Variants in PTPRT observed in about 807,000 individuals in gnomAD.
PTPRT encodes the protein protein tyrosine phosphatase receptor type T.
Under a neutral mutation model 176.8 loss-of-function variants are expected in PTPRT, and 56 were observed. That is an observed-to-expected ratio of 0.32 (90% CI 0.26 to 0.40). The LOEUF (loss-of-function observed/expected upper bound fraction) is 0.40, where lower values mean the gene tolerates loss of function less well. PTPRT is among the 10% of genes least tolerant of loss of function. The pLI, the probability that PTPRT is intolerant of heterozygous loss-of-function variation, is 1.00. For synonymous variants in PTPRT, 783 were observed against 739.0 expected (o/e 1.06, Z -0.96); for missense variants, 1,540 against 1,908.2 (o/e 0.81, Z 3.60).
intron 1 of PTPRT, among the ~76,000 whole-genome samples, chr20:43,035,866 A>G (rs1438704126): frequency 6.6e-6 from 1 of 152,234 alleles, no homozygotes; most frequent in Non-Finnish European, 1.5e-5. Context: ...TTCAAAATGT[A>G]CATGGCATCA....
intron 6 of PTPRT, among the ~76,000 whole-genome samples, chr20:42,723,028 A>G (rs1354298956): frequency 1.3e-5 from 2 of 152,206 alleles, no homozygotes; most frequent in Non-Finnish European, 2.9e-5. Flanking sequence ...ACAAGTCACA[A>G]CTTCAGTTGT....
chr20:42,045,510 C>A, the PTPRT span, among the ~76,000 whole-genome samples: 2 of 151,302 alleles, frequency 1.3e-5, no homozygotes, highest in Admixed American at 6.6e-5. Context: ...TTTTTATATT[C>A]ACCAAGCGAG....
At chr20:42,801,568 A>G (rs1186090909) in intron 2 of PTPRT, among the ~76,000 whole-genome samples, 1 of 152,242 alleles carries the variant, frequency 6.6e-6, no homozygotes, top group Non-Finnish European at 1.5e-5. Context: ...CACTAGGGGA[A>G]CAGCAGTCAG....
chr20:43,089,836 G>A (rs1313091690), intron 1 of PTPRT, among the ~76,000 whole-genome samples: 2 of 152,174 alleles, frequency 1.3e-5, no homozygotes, highest in African/African-American at 4.8e-5. Context: ...TTCCCAGGCT[G>A]AAACAGGAAA....
intron 1 of PTPRT, among the ~76,000 whole-genome samples, chr20:42,904,582 G>A (rs543496996): frequency 6.6e-6 from 1 of 152,114 alleles, no homozygotes; most frequent in Non-Finnish European, 1.5e-5. Context: ...ATACGGGAAG[G>A]GGGCAGGGAA....
chr20:42,258,291 T>C (rs2056685352), intron 13 of PTPRT, among the ~76,000 whole-genome samples: 2 of 152,202 alleles, frequency 1.3e-5, no homozygotes, highest in African/African-American at 2.4e-5. Flanking sequence ...AAGGGATTGA[T>C]GAACATGTCA....
At chr20:42,427,252 T>TA (rs1457038436) in intron 9 of PTPRT, among the ~76,000 whole-genome samples, 1 of 152,194 alleles carries the variant, frequency 6.6e-6, no homozygotes, top group Admixed American at 6.5e-5. Context: ...GGTTAAGAAG[T>TA]ACCATGGGAG....
chr20:42,604,707 T>A (rs2073842234), intron 7 of PTPRT, among the ~76,000 whole-genome samples: 2 of 152,178 alleles, frequency 1.3e-5, no homozygotes, highest in Non-Finnish European at 2.9e-5. Flanking sequence ...TCAATAAGCC[T>A]TCCTAAGGGT....
intron 2 of PTPRT, among the ~76,000 whole-genome samples, chr20:42,882,198 TAAG>T (rs2079021695): frequency 6.6e-6 from 1 of 152,194 alleles, no homozygotes; most frequent in African/African-American, 2.4e-5. Context: ...CCTATGCCCA[TAAG>T]AAGAACAAAC....
intron 6 of PTPRT, among the ~76,000 whole-genome samples, chr20:42,691,751 C>G (rs2075797567): frequency 6.6e-6 from 1 of 152,116 alleles, no homozygotes; most frequent in Admixed American, 6.5e-5. Context: ...CTGCAAGGTC[C>G]CATAGACCTC....
chr20:42,270,096 A>G (rs1167673461), intron 13 of PTPRT, among the ~76,000 whole-genome samples: 1 of 152,126 alleles, frequency 6.6e-6, no homozygotes, highest in Non-Finnish European at 1.5e-5. Flanking sequence ...GCACTGGAAC[A>G]TATCTTCTTT....
chr20:42,758,388 A>T (rs1248399601), intron 5 of PTPRT, among the ~76,000 whole-genome samples: 2 of 152,082 alleles, frequency 1.3e-5, no homozygotes, highest in Admixed American at 6.5e-5. Context: ...TATGGCAGCA[A>T]ATGAGGGGAG....
At chr20:42,529,177 T>C (rs550139596) in intron 7 of PTPRT, among the ~76,000 whole-genome samples, 19 of 152,332 alleles carry the variant, frequency 1.2e-4, no homozygotes, top group African/African-American at 3.8e-4. Flanking sequence ...GCATGGTGCA[T>C]AGGACTTCGA....
chr20:42,059,825 T>G, the PTPRT span, among the ~76,000 whole-genome samples: 159 of 152,254 alleles, frequency 1.0e-3, no homozygotes, highest in Non-Finnish European at 1.9e-3. Context: ...CCCTGGTTCT[T>G]ACTCATGTTT....
chr20:42,171,808 T>A (rs1990090588), intron 16 of PTPRT, among the ~76,000 whole-genome samples: 1 of 152,124 alleles, frequency 6.6e-6, no homozygotes, highest in Admixed American at 6.6e-5. Flanking sequence ...CACTGAAAAC[T>A]ACACTGTCCT....
intron 7 of PTPRT, among the ~76,000 whole-genome samples, chr20:42,519,091 C>A (rs2072122333): frequency 6.6e-6 from 1 of 152,134 alleles, no homozygotes. Context: ...CACCAGAAGG[C>A]TCCCTCATGC....
chr20:42,847,718 G>T (rs2078399155), intron 2 of PTPRT, among the ~76,000 whole-genome samples: 1 of 152,216 alleles, frequency 6.6e-6, no homozygotes, highest in Non-Finnish European at 1.5e-5. Flanking sequence ...CCACCCACAG[G>T]TGACACTCCC....
Position 43,155,600 on chromosome 20 carries a change from A to G in PTPRT, c.88+34046T>C, listed in dbSNP as rs143401085. On this transcript the variant is annotated intron_variant, in intron 1 of 30. Transcript: ENST00000373187. ...CAGTTAGGAGAGAAATAACTTCAAG[A>G]GATCTATTGCACAGCATGGTGACTC... is the stretch of plus-strand genomic sequence containing the variant. 2.0e-4 allele frequency among the ~76,000 whole-genome samples: 30 copies of G among 152,324 alleles called. 1 individual carries two copies. In the East Asian group the frequency reaches 5.2e-3, roughly 26 times the overall value.
chr20:42,332,556 C>G (rs974394560), intron 11 of PTPRT, among the ~76,000 whole-genome samples: 1 of 152,082 alleles, frequency 6.6e-6, no homozygotes, highest in Non-Finnish European at 1.5e-5. Context: ...CTAAACTAGC[C>G]ACATTTTTCA....
Sources: allele counts gnomAD v4.1 joint callset (sites outside exome capture counted in the v4.1 genomes callset), GRCh38; gene constraint gnomAD v4.1.1; transcripts MANE v1.5; gene names NCBI Gene and HGNC (gene_info 2026-07-23, HGNC 2026-07-21).